NAV1: variants seen among roughly 807,000 people sequenced by gnomAD.
The protein encoded by NAV1 is pore membrane and/or filament interacting like protein 3.
NAV1 carries 18 observed loss-of-function variants against 175.2 expected under a neutral mutation model. The ratio of observed to expected loss-of-function variants is 0.10; its 90% CI spans 0.07 to 0.15. The LOEUF is 0.15. Among genes scored for constraint, NAV1 ranks in the 10% least tolerant of loss-of-function variants. The probability of loss-of-function intolerance (pLI) is 1.00; values close to 1 mark genes in which losing one functional copy is unlikely to be tolerated. For missense variants in NAV1, 1,731 were observed against 2,436.6 expected (o/e 0.71, Z 6.10); for synonymous variants, 897 against 978.7 (o/e 0.92, Z 1.56).
Position 201,718,495 on chromosome 1 carries a change from T to G in NAV1, c.966T>G (p.Ser322Arg). Reference sequence around the variant, plus strand: ...TGTCATGGCGCTATGGCCAGTCCAGTCCGCGGCTGCAGGCTGGTGACGCGC... The same window carrying G: ...TGTCATGGCGCTATGGCCAGTCCAGGCCGCGGCTGCAGGCTGGTGACGCGC... Residue 322 changes from serine (S) to arginine (R), a missense_variant, in exon 3 of 30, where the codon AGT (serine) becomes AGG (arginine). Physicochemically the swap from Ser to Arg is moderately radical, Grantham distance 110. Around this residue, in one of 13 missense-constraint regions of NAV1, gnomAD observed 487 missense variants for 581.3 expected, o/e 0.84. Transcript: ENST00000367296. The surrounding 1 kb of genome is among the most constrained non-coding windows in gnomAD (Gnocchi z 4.8). 1 of 1,607,718 alleles carries G rather than the reference T, an allele frequency of 6.2e-7. No homozygotes were observed. Among genetic ancestry groups the G allele is most frequent in the Non-Finnish European group, 8.5e-7 (1 of 1,175,754 alleles).
intron 1 of NAV1, among the ~76,000 whole-genome samples, chr1:201,543,230 AG>A (rs1309272851): frequency 6.6e-6 from 1 of 152,178 alleles, no homozygotes; most frequent in Non-Finnish European, 1.5e-5. Flanking sequence ...TCTTGATTTT[AG>A]CCTTTCACCA....
chr1:201,756,105 CAAAAAAA>C (rs768758177), intron 3 of NAV1, among the ~76,000 whole-genome samples: 4 of 56,796 alleles, frequency 7.0e-5, no homozygotes, highest in African/African-American at 1.2e-4. Flanking sequence ...AACTCTGTCT[CAAAAAAA>C]AAAAAAAAAA....
intron 1 of NAV1, among the ~76,000 whole-genome samples, chr1:201,693,200 A>C (rs562998463): frequency 1.3e-5 from 2 of 152,364 alleles, no homozygotes; most frequent in South Asian, 4.1e-4. Context: ...TTCAAAGATA[A>C]ATAGCATATG....
intron 1 of NAV1, among the ~76,000 whole-genome samples, chr1:201,708,117 C>G (rs1028828378): frequency 3.9e-5 from 6 of 152,298 alleles, no homozygotes; most frequent in African/African-American, 9.6e-5. Flanking sequence ...ACAGTATGCT[C>G]TCTCTGTGGT....
chr1:201,592,933 T>G (rs1333623475), intron 2 of NAV1, among the ~76,000 whole-genome samples: 1 of 152,028 alleles, frequency 6.6e-6, no homozygotes, highest in Non-Finnish European at 1.5e-5. Flanking sequence ...CATTCTCAAT[T>G]TGGGGCTACG....
chr1:201,698,031 G>C (rs1671260105), intron 1 of NAV1, among the ~76,000 whole-genome samples: 1 of 152,214 alleles, frequency 6.6e-6, no homozygotes, highest in South Asian at 2.1e-4. Context: ...CAGTGGTAAA[G>C]CTGGGATTTG....
At chr1:201,569,942 G>A (rs1402759950) in intron 1 of NAV1, among the ~76,000 whole-genome samples, 2 of 152,180 alleles carry the variant, frequency 1.3e-5, no homozygotes, top group African/African-American at 4.8e-5. Context: ...GTGAAATAAT[G>A]AGAAAGACAA....
chr1:201,795,989 T>C (rs1419113514), intron 15 of NAV1: 3 of 152,226 alleles, frequency 2.0e-5, no homozygotes, highest in East Asian at 3.8e-4. Flanking sequence ...TGTTGTGTCA[T>C]GTATCCACAC....
rs527865376 is a variant in NAV1, at chr1:201,615,465, A to G, written c.-32-7388A>G. On this transcript the variant is annotated intron_variant, in intron 2 of 33. Transcript: ENST00000685211. ...ATTTTAGTAGAGATGGGGTTTCACC[A>G]TCTTGGCTAGGCTGGTTTTGAACCC... 3.9e-5 allele frequency among the ~76,000 whole-genome samples: 6 copies of G among 152,144 alleles called. No homozygotes were observed. In the East Asian group the frequency reaches 1.2e-3, roughly 30 times the overall value.
chr1:201,745,425 C>T (rs929528294), intron 3 of NAV1, among the ~76,000 whole-genome samples: 7 of 152,238 alleles, frequency 4.6e-5, no homozygotes, highest in African/African-American at 7.2e-5. Context: ...AGGTGCCATT[C>T]GAATAATGGA....
At chr1:201,687,096 T>A (rs1444996022) in intron 1 of NAV1, among the ~76,000 whole-genome samples, 1 of 152,224 alleles carries the variant, frequency 6.6e-6, no homozygotes, top group Admixed American at 6.5e-5. Flanking sequence ...TTTAGGAAGG[T>A]CTCCTTTGCC....
chr1:201,795,563 G>A (rs1256883898), intron 15 of NAV1: 1 of 151,990 alleles, frequency 6.6e-6, no homozygotes, highest in Non-Finnish European at 1.5e-5. Context: ...ATCAATCTAT[G>A]TTCTAACTAT....
chr1:201,783,359 A>G, intron 6 of NAV1, 47 bp from the exon 11 acceptor site: 1 of 1,566,552 alleles, frequency 6.4e-7, no homozygotes, highest in Non-Finnish European at 8.7e-7. Flanking sequence ...TCTGCCTCTC[A>G]CTCTGTAATT....
At chr1:201,641,969 T>A (rs1297322465) in intron 2 of NAV1, among the ~76,000 whole-genome samples, 1 of 150,442 alleles carries the variant, frequency 6.6e-6, no homozygotes. Context: ...CCTTCCTTTC[T>A]CTCTCTCTCT....
chr1:201,731,477 C>T (rs1339515439), intron 3 of NAV1, among the ~76,000 whole-genome samples: 2 of 152,114 alleles, frequency 1.3e-5, no homozygotes, highest in Non-Finnish European at 2.9e-5. Flanking sequence ...CGAGTATATT[C>T]TCACCAGCCT....
chr1:201,594,725 T>A (rs1390390245), intron 2 of NAV1, among the ~76,000 whole-genome samples: 4 of 152,190 alleles, frequency 2.6e-5, no homozygotes, highest in African/African-American at 4.8e-5. Context: ...GGAGCTGGCC[T>A]TTCTCTGGAC....
chr1:201,718,859 T>C lies in NAV1; in HGVS notation c.1226+104T>C. ...GAACCCAAAACGGGTTTTGGTTTGCTGTGCTGCTATGAAAGTACACAAAAG... is the reference window on the plus strand; with the variant it reads ...GAACCCAAAACGGGTTTTGGTTTGCCGTGCTGCTATGAAAGTACACAAAAG... On this transcript the variant is annotated intron_variant, in intron 3 of 29. Transcript: ENST00000367296. This position sits in a 1 kb window ranked among gnomAD's most constrained non-coding sequence, Gnocchi z 4.8. The C allele has an allele frequency of 1.4e-6, 2 of 1,401,834 alleles. No homozygotes were observed. Among genetic ancestry groups the C allele is most frequent in the South Asian group, 2.7e-5 (2 of 74,400 alleles). 86.8% of individuals were successfully genotyped at this position (1,401,834 alleles called of 1,614,324 possible).
In NAV1 at chr1:201,642,214, C is replaced by T. The variant is rs866430535; in HGVS notation, c.5-6420C>T. 7.4e-3 allele frequency among the ~76,000 whole-genome samples: 814 copies of T among 110,376 alleles called. 9 individuals are homozygous for T. The highest frequency in any genetic ancestry group is 0.025 in the African/African-American group (729 of 28,876). 72.4% of individuals were successfully genotyped at this position (110,376 alleles called of 152,430 possible). A position where few individuals can be genotyped will look rare whatever the true frequency, so the allele number is the denominator to read the frequency against. ...CCTCCTTTCTTCCTTTCTTCCTTCC[C>T]TCCTTTCTTCCTTTCTTTCTCGGAG... On this transcript the variant is annotated intron_variant, in intron 2 of 29. Transcript: ENST00000367302.
chr1:201,540,188 C>T (rs948120603), intron 1 of NAV1, among the ~76,000 whole-genome samples: 20 of 152,128 alleles, frequency 1.3e-4, no homozygotes, highest in African/African-American at 4.6e-4. Flanking sequence ...GACGTCCACC[C>T]GGCAGAGAGG....
Sources: allele counts gnomAD v4.1 joint callset (sites outside exome capture counted in the v4.1 genomes callset), GRCh38; gene constraint gnomAD v4.1.1; regional missense constraint gnomAD v4.1.1; non-coding constraint Gnocchi (gnomAD v3.1); transcripts MANE v1.5; gene names NCBI Gene and HGNC (gene_info 2026-07-23, HGNC 2026-07-21).